The following RABGAP1 variants were observed in gnomAD, a reference collection of about 807,000 sequenced individuals.
RABGAP1 encodes the protein rab GTPase-activating protein 1.
A neutral mutation model predicts 137.6 loss-of-function variants in RABGAP1; 23 were observed. The observed-to-expected ratio is 0.17, with a 90% CI of 0.12 to 0.24. The LOEUF (loss-of-function observed/expected upper bound fraction) is 0.24, where lower values mean the gene tolerates loss of function less well. Ranked by LOEUF, RABGAP1 falls within the 10% of genes least tolerant of loss-of-function variation. RABGAP1 has a pLI of 1.00. For missense variants in RABGAP1, 906 were observed against 1,275.8 expected (o/e 0.71, Z 4.42); for synonymous variants, 451 against 450.7 (o/e 1.00, Z -0.01).
chr9:123,016,473 C>T (rs1322990225), intron 12 of RABGAP1, among the ~76,000 whole-genome samples: 1 of 152,168 alleles, frequency 6.6e-6, no homozygotes, highest in African/African-American at 2.4e-5. Context: ...CACCACTGCA[C>T]TCCAGCCTGG....
intron 2 of RABGAP1, among the ~76,000 whole-genome samples, chr9:122,980,080 A>G (rs1326345307): frequency 6.6e-6 from 1 of 152,226 alleles, no homozygotes; most frequent in African/African-American, 2.4e-5. Flanking sequence ...ATAAAGTGTA[A>G]TTGGAACATA....
intron 2 of RABGAP1, among the ~76,000 whole-genome samples, chr9:122,959,724 C>T (rs1364488942): frequency 3.9e-5 from 6 of 152,184 alleles, no homozygotes; most frequent in Non-Finnish European, 5.9e-5. Flanking sequence ...TCCCTGTCCC[C>T]CATCAGCTCC....
intron 2 of RABGAP1, among the ~76,000 whole-genome samples, chr9:122,969,413 T>A (rs190931526): frequency 6.6e-6 from 1 of 152,370 alleles, no homozygotes; most frequent in Non-Finnish European, 1.5e-5. Flanking sequence ...GAACATGTTC[T>A]CCAAATTTAA....
intron 21 of RABGAP1, among the ~76,000 whole-genome samples, chr9:123,090,960 C>T (rs147396818): frequency 1.3e-4 from 20 of 152,276 alleles, no homozygotes; most frequent in African/African-American, 4.3e-4. Flanking sequence ...TATAATCTCT[C>T]GATCATGGTT....
At chr9:122,993,429 G>A (rs757941463) in intron 6 of RABGAP1, among the ~76,000 whole-genome samples, 3 of 151,982 alleles carry the variant, frequency 2.0e-5, no homozygotes, top group African/African-American at 4.8e-5. Flanking sequence ...CCACCGCCAC[G>A]CCTGGCTACT....
At chr9:123,083,833 C>T (rs897953936) in intron 19 of RABGAP1, among the ~76,000 whole-genome samples, 7 of 152,178 alleles carry the variant, frequency 4.6e-5, no homozygotes, top group Non-Finnish European at 1.0e-4. Flanking sequence ...TGCTTGCATC[C>T]CTCAAATACG....
intron 13 of RABGAP1, among the ~76,000 whole-genome samples, chr9:123,050,542 A>T (rs962089781): frequency 1.3e-5 from 2 of 152,212 alleles, no homozygotes; most frequent in African/African-American, 2.4e-5. Context: ...GACAAGTAAA[A>T]ATGTGTTTGT....
At chr9:123,010,666 T>A in intron 11 of RABGAP1, 138 bp downstream of exon 11, 1 of 805,582 alleles carries the variant, frequency 1.2e-6, no homozygotes, top group Non-Finnish European at 1.8e-6. Flanking sequence ...TTACTATATG[T>A]AAGTAGCTGT....
At chr9:123,063,892 C>G (rs2034071816) in intron 13 of RABGAP1, among the ~76,000 whole-genome samples, 1 of 152,164 alleles carries the variant, frequency 6.6e-6, no homozygotes, top group Non-Finnish European at 1.5e-5. Flanking sequence ...AAGTGTCCAG[C>G]TTGTCGTTTA....
At chr9:123,032,165 G>A (rs547802695) in intron 13 of RABGAP1, among the ~76,000 whole-genome samples, 14 of 152,328 alleles carry the variant, frequency 9.2e-5, no homozygotes, top group African/African-American at 3.4e-4. Flanking sequence ...GGCTACTTTA[G>A]TTGTAGGAGC....
chr9:123,058,472 C>T (rs2033836174), intron 13 of RABGAP1, among the ~76,000 whole-genome samples: 1 of 151,544 alleles, frequency 6.6e-6, no homozygotes, highest in Non-Finnish European at 1.5e-5. Flanking sequence ...ATTATTGTTA[C>T]AAAAAAGCAA....
intron 2 of RABGAP1, among the ~76,000 whole-genome samples, chr9:122,968,584 A>T (rs960355901): frequency 1.3e-5 from 2 of 151,668 alleles, no homozygotes; most frequent in African/African-American, 4.8e-5. Flanking sequence ...GCACAGTTAT[A>T]CTCTTTTACT....
intron 2 of RABGAP1, among the ~76,000 whole-genome samples, chr9:122,967,247 G>A (rs1277182435): frequency 6.6e-6 from 1 of 152,184 alleles, no homozygotes; most frequent in Non-Finnish European, 1.5e-5. Context: ...TTGGACTGTA[G>A]TAAGGTTAGT....
intron 13 of RABGAP1, among the ~76,000 whole-genome samples, chr9:123,043,632 TG>T (rs1385735762): frequency 7.9e-6 from 1 of 127,360 alleles, no homozygotes; most frequent in African/African-American, 3.4e-5. Flanking sequence ...GGGAAGTGTT[TG>T]GGGGGTGAGG....
intron 14 of RABGAP1, among the ~76,000 whole-genome samples, chr9:123,068,523 C>T (rs1462451995): frequency 1.3e-5 from 2 of 152,098 alleles, no homozygotes; most frequent in Non-Finnish European, 2.9e-5. Flanking sequence ...TATATTACTA[C>T]TCATTTTTAA....
At chr9:123,097,576 C>A (rs1400046333) in intron 21 of RABGAP1, among the ~76,000 whole-genome samples, 165 bp from the exon 22 acceptor site, 1 of 152,214 alleles carries the variant, frequency 6.6e-6, no homozygotes, top group Non-Finnish European at 1.5e-5. Context: ...GAGACTGGGA[C>A]AGGCACTTAT....
intron 2 of RABGAP1, among the ~76,000 whole-genome samples, chr9:122,966,034 A>G (rs1333638911): frequency 2.6e-5 from 4 of 152,214 alleles, no homozygotes; most frequent in Admixed American, 6.5e-5. Flanking sequence ...GCATTACCTC[A>G]GTAATGCCAT....
Position 123,016,127 on chromosome 9 carries a change from C to A in RABGAP1, c.1643+491C>A, listed in dbSNP as rs560995578. 3.3e-5 allele frequency among the ~76,000 whole-genome samples: 5 copies of A among 152,262 alleles called. 1 individual carries two copies. In the South Asian group the frequency reaches 1.0e-3, roughly 32 times the overall value. Reference sequence around the variant, plus strand: ...CTTATAAAATTCCTACTAACACTTACAAATTTTAGGAATTTCTCATCAGCT... The same window carrying A: ...CTTATAAAATTCCTACTAACACTTAAAAATTTTAGGAATTTCTCATCAGCT... On this transcript the variant is annotated intron_variant, in intron 12 of 25. Coordinates refer to ENST00000373647, the MANE Select transcript of RABGAP1 (RefSeq NM_012197.4).
chr9:123,075,549 T>C (rs1234285334), intron 17 of RABGAP1, among the ~76,000 whole-genome samples: 2 of 152,210 alleles, frequency 1.3e-5, no homozygotes, highest in Non-Finnish European at 1.5e-5. Context: ...TATCCCATTA[T>C]TTGGATGTGC....
Sources: gnomAD v4.1 joint callset for allele counts (sites outside exome capture counted in the v4.1 genomes callset) on GRCh38, gnomAD v4.1.1 for gene constraint, MANE v1.5 for transcripts, NCBI Gene and HGNC (gene_info 2026-07-23, HGNC 2026-07-21) for gene names.